The following ERF variants were observed in gnomAD, a reference collection of about 807,000 sequenced individuals.
The protein encoded by ERF is ETS2 repressor factor.
A neutral mutation model predicts 41.6 loss-of-function variants in ERF; 10 were observed. The observed-to-expected ratio is 0.24, with a 90% CI of 0.15 to 0.41. The LOEUF is 0.41. Among genes scored for constraint, ERF ranks in the 10% least tolerant of loss-of-function variants. The pLI, the probability that ERF is intolerant of heterozygous loss-of-function variation, is 1.00. For missense variants in ERF, 621 were observed against 763.2 expected (o/e 0.81, Z 2.19); for synonymous variants, 395 against 342.4 (o/e 1.15, Z -1.70).
rs1161542567 is a variant in ERF at position 42,253,811 on chromosome 19, G to C, written c.22+1167C>G. On this transcript the variant is annotated intron_variant, in intron 1 of 3. Coordinates refer to ENST00000222329, the MANE Select transcript of ERF (RefSeq NM_006494.4). ...GGGGTGGGAATGGGGTGGGGATGGG[G>C]TGGGGTGGGTGGGCCGGTCGGGGCA... 1.9e-5 allele frequency: 18 copies of C among 929,044 alleles called. 1 individual carries two copies. In the South Asian group the frequency reaches 6.6e-4, roughly 34 times the overall value. The allele number at this position is 929,044 out of a possible 1,614,324, so 57.6% of individuals were successfully genotyped here. A position where few individuals can be genotyped will look rare whatever the true frequency, so the allele number is the denominator to read the frequency against.
intron 1 of ERF, among the ~76,000 whole-genome samples, chr19:42,254,313 G>C (rs1402078907): frequency 2.0e-5 from 3 of 152,052 alleles, no homozygotes; most frequent in African/African-American, 7.2e-5. Context: ...AGGGTACCCA[G>C]GTCTCCCCGG....
rs777144215 is a variant in ERF, at chr19:42,248,672, G to A, written c.1440C>T (p.Leu480=). ...TCCAGCGCCGCTTAAAGCGTAGCTT[G>A]AGGGGCATGCACTGGGATGCCCCGG... The part of the protein sequence containing the change: ...EAPGASQCMP[L]KLRFKRRWSE... The change falls in exon 4 of 4, where the codon CTC becomes CTT. Residue 480 remains leucine, a synonymous_variant. Coordinates refer to ENST00000222329, the MANE Select transcript of ERF (RefSeq NM_006494.4). The surrounding 1 kb of genome is among the most constrained non-coding windows in gnomAD (Gnocchi z 4.2). 6 of 1,606,634 alleles carry A rather than the reference G, an allele frequency of 3.7e-6. No individual in the cohort carries two copies. Among genetic ancestry groups the A allele is most frequent in the South Asian group, 3.3e-5 (3 of 90,754 alleles).
Position 42,250,759 on chromosome 19 carries a change from G to T in ERF, c.23-194C>A, listed in dbSNP as rs542991772. Among the ~76,000 whole-genome samples, 76 of 152,364 alleles carry T rather than the reference G, an allele frequency of 5.0e-4. No individual in the cohort carries two copies. Among genetic ancestry groups the T allele is most frequent in the Non-Finnish European group, 1.2e-4 (8 of 68,036 alleles). ...ATGTGAGGGGCTAGACAGGAGCTGG[G>T]GGGGAGGGGAAGCTGGAGCCCGCTC... On this transcript the variant is annotated intron_variant, in intron 1 of 3. Transcript: ENST00000222329. This position sits in a 1 kb window ranked among gnomAD's most constrained non-coding sequence, Gnocchi z 5.1.
In ERF at chr19:42,248,552, C is replaced by T. The variant is rs1466711126; in HGVS notation, c.1560G>A (p.Glu520=). The change falls in exon 4 of 4, where the codon GAG becomes GAA. Residue 520 remains glutamate, a synonymous_variant. Coordinates refer to ENST00000222329, the MANE Select transcript of ERF (RefSeq NM_006494.4). The surrounding 1 kb of genome is among the most constrained non-coding windows in gnomAD (Gnocchi z 4.2). The part of the protein sequence containing the change: ...DKKVRGEGPG[E]AGGPLTPRRV... Reference sequence around the variant, plus strand: ...GCCTTGGGGTGAGGGGCCCCCCAGCCTCCCCAGGCCCCTCCCCACGCACCT... The same window carrying T: ...GCCTTGGGGTGAGGGGCCCCCCAGCTTCCCCAGGCCCCTCCCCACGCACCT... 6.4e-7 allele frequency: 1 copy of T among 1,554,392 alleles called. No individual in the cohort carries two copies. The highest frequency in any genetic ancestry group is 1.4e-5 in the African/African-American group (1 of 72,640).
Position 42,249,995 on chromosome 19 carries a change from A to G in ERF, c.258-53T>C, listed in dbSNP as rs1279442482. The stretch of plus-strand genomic sequence containing the variant: ...GGTCAGGTACGTGGGACCCAGGTCT[A>G]GACTCCACACCTTAACACGCACTTA... On this transcript the variant is annotated intron_variant, in intron 2 of 3. Coordinates refer to ENST00000222329, the MANE Select transcript of ERF (RefSeq NM_006494.4). The surrounding 1 kb of genome is among the most constrained non-coding windows in gnomAD (Gnocchi z 8.6). 2.0e-6 allele frequency: 3 copies of G among 1,509,084 alleles called. No individual in the cohort carries two copies. In the African/African-American group the frequency reaches 4.1e-5, roughly 21 times the overall value. The allele number at this position is 1,509,084 out of a possible 1,614,324, so 93.5% of individuals were successfully genotyped here.
At chr19:42,254,643 G>A (rs1004944035) in intron 1 of ERF, 12 of 205,930 alleles carry the variant, frequency 5.8e-5, no homozygotes, top group African/African-American at 2.8e-4. Context: ...CACACGTCCC[G>A]GCCCCCAGAG....
Position 42,248,862 on chromosome 19 carries a change from G to C in ERF, c.1250C>G (p.Ala417Gly), listed in dbSNP as rs777970610. The C allele has an allele frequency of 6.8e-6, 11 of 1,609,300 alleles. No homozygotes were observed. The highest frequency in any genetic ancestry group is 9.3e-6 in the Non-Finnish European group (11 of 1,178,794). ...GATCTGTGGTGGCGGGGGCGGTGGGGCTAGCGCCCCTGCCCCCTCAGCCAG... is the reference window on the plus strand; with the variant it reads ...GATCTGTGGTGGCGGGGGCGGTGGGCCTAGCGCCCCTGCCCCCTCAGCCAG... Reference protein sequence around the residue: ...GGLAEGAGALAPPPPPPQIKV... With the variant: ...GGLAEGAGALGPPPPPPQIKV... Residue 417 changes from alanine to glycine, a missense_variant, in exon 4 of 4, where the codon GCC becomes GGC. Transcript: ENST00000222329. This position sits in a 1 kb window ranked among gnomAD's most constrained non-coding sequence, Gnocchi z 4.2.
Position 42,249,494 on chromosome 19 carries a change from G to A in ERF, c.618C>T (p.Ala206=). The part of the protein sequence containing the change: ...LEEPLGEDPR[A]RPPGPPDLGA... ...CCAGATCCGGAGGGCCGGGTGGTCGGGCGCGGGGATCCTCTCCCAGCGGTT... is the reference window on the plus strand; with the variant it reads ...CCAGATCCGGAGGGCCGGGTGGTCGAGCGCGGGGATCCTCTCCCAGCGGTT... Residue 206 remains alanine (A), a synonymous_variant, in exon 4 of 4, where the codon GCC becomes GCT. Transcript: ENST00000222329. The surrounding 1 kb of genome is among the most constrained non-coding windows in gnomAD (Gnocchi z 8.6). 8 of 1,611,124 alleles carry A rather than the reference G, an allele frequency of 5.0e-6. No homozygotes were observed. The highest frequency in any genetic ancestry group is 2.2e-5 in the East Asian group (1 of 44,874).
Position 42,249,392 on chromosome 19 carries a change from A to G in ERF, c.720T>C (p.Gly240=). The G allele has an allele frequency of 6.4e-7, 1 of 1,573,082 alleles. No individual in the cohort carries two copies. Among genetic ancestry groups the G allele is most frequent in the South Asian group, 1.2e-5 (1 of 86,460 alleles). ...GVFRVYPRPR[G]GPEPLSPFPV... ...GGAAGGGGCTGAGGGGTTCAGGGCC[A>G]CCCCGAGGCCGGGGATAGACTCGGA... Residue 240 remains glycine (G), a synonymous_variant, in exon 4 of 4, where the codon GGT becomes GGC. Coordinates refer to ENST00000222329, the MANE Select transcript of ERF (RefSeq NM_006494.4). This position sits in a 1 kb window ranked among gnomAD's most constrained non-coding sequence, Gnocchi z 8.6.
Position 42,247,920 on chromosome 19 carries a change from G to C in ERF, c.*545C>G, listed in dbSNP as rs2036355256. ...CCACCCCCCAACACATGGAATTTTT[G>C]GTTCATTATAAAATTGTCCCTCCCT... On this transcript the variant is annotated 3_prime_UTR_variant, in exon 4 of 4. Coordinates refer to ENST00000222329, the MANE Select transcript of ERF (RefSeq NM_006494.4). The C allele has an allele frequency of 6.6e-6, 1 of 151,568 alleles. No individual in the cohort carries two copies. Among genetic ancestry groups the C allele is most frequent in the Non-Finnish European group, 1.5e-5 (1 of 67,810 alleles). The allele number at this position is 151,568 out of a possible 1,614,324, so 9.4% of individuals were successfully genotyped here.
intron 1 of ERF, chr19:42,253,886 C>CG: frequency 9.2e-7 from 1 of 1,082,744 alleles, no homozygotes; most frequent in African/African-American, 1.7e-5. Flanking sequence ...CCGCCGCCGC[C>CG]GGGGGAAGGA....
Position 42,247,747 on chromosome 19 carries a change from C to T in ERF, c.*718G>A. The stretch of plus-strand genomic sequence containing the variant: ...GGTTTCAGGGCACCCCCTTCCCATC[C>T]CCCCACCCGCCTGCCCATGGGCCAG... On this transcript the variant is annotated 3_prime_UTR_variant, in exon 4 of 4. Coordinates refer to ENST00000222329, the MANE Select transcript of ERF (RefSeq NM_006494.4). 6.6e-6 allele frequency: 1 copy of T among 152,316 alleles called. No homozygotes were observed. The highest frequency in any genetic ancestry group is 1.5e-5 in the Non-Finnish European group (1 of 68,002). 9.4% of individuals were successfully genotyped at this position (152,316 alleles called of 1,614,324 possible). A position where few individuals can be genotyped will look rare whatever the true frequency, so the allele number is the denominator to read the frequency against.
In ERF at chr19:42,248,313, G is replaced by T. The variant is rs2036365599; in HGVS notation, c.*152C>A. 202 of 383,706 alleles carry T rather than the reference G, an allele frequency of 5.3e-4. No individual in the cohort carries two copies. Among genetic ancestry groups the T allele is most frequent in the Non-Finnish European group, 6.5e-4 (169 of 260,088 alleles). 23.8% of individuals were successfully genotyped at this position (383,706 alleles called of 1,614,324 possible). A position where few individuals can be genotyped will look rare whatever the true frequency, so the allele number is the denominator to read the frequency against. ...CCACCCCCACCATTTTTAAAAAAAA[G>T]AAATTAAAGTTTTATACAAAATGTG... On this transcript the variant is annotated 3_prime_UTR_variant, in exon 4 of 4. Coordinates refer to ENST00000222329, the MANE Select transcript of ERF (RefSeq NM_006494.4). This position sits in a 1 kb window ranked among gnomAD's most constrained non-coding sequence, Gnocchi z 4.2.
Position 42,250,663 on chromosome 19 carries a change from G to A in ERF, c.23-98C>T. The stretch of plus-strand genomic sequence containing the variant: ...CCACCTCTGCCCTGCCTTCAACATG[G>A]GGAAATCTGTCTCACCTCAGCCAAG... On this transcript the variant is annotated intron_variant, in intron 1 of 3. Coordinates refer to ENST00000222329, the MANE Select transcript of ERF (RefSeq NM_006494.4). This position sits in a 1 kb window ranked among gnomAD's most constrained non-coding sequence, Gnocchi z 5.1. 1.7e-6 allele frequency: 2 copies of A among 1,180,698 alleles called. No homozygotes were observed. Among genetic ancestry groups the A allele is most frequent in the Non-Finnish European group, 2.4e-6 (2 of 835,962 alleles). The allele number at this position is 1,180,698 out of a possible 1,614,324, so 73.1% of individuals were successfully genotyped here.
At position 42,248,346 on chromosome 19, in the gene ERF, A is replaced by C; in HGVS notation, c.*119T>G. 1.1e-5 allele frequency: 8 copies of C among 748,960 alleles called. No individual in the cohort carries two copies. The highest frequency in any genetic ancestry group is 1.5e-5 in the Non-Finnish European group (8 of 551,282). 46.4% of individuals were successfully genotyped at this position (748,960 alleles called of 1,614,324 possible). A position where few individuals can be genotyped will look rare whatever the true frequency, so the allele number is the denominator to read the frequency against. ...AGTTTTATACAAAATGTGGGGAGGG[A>C]AAAGGGAGGAGGCAGGGAAGAGACA... On this transcript the variant is annotated 3_prime_UTR_variant, in exon 4 of 4. Transcript: ENST00000222329. This position sits in a 1 kb window ranked among gnomAD's most constrained non-coding sequence, Gnocchi z 4.2.
chr19:42,251,363 C>G, intron 1 of ERF: 1 of 985,374 alleles, frequency 1.0e-6, no homozygotes, highest in Non-Finnish European at 1.2e-6. Context: ...TCCCTGCCCA[C>G]CTGCCTGCCC....
chr19:42,249,344 A>G lies in ERF; in HGVS notation c.768T>C (p.Pro256=). 6.3e-7 allele frequency: 1 copy of G among 1,580,886 alleles called. No homozygotes were observed. Among genetic ancestry groups the G allele is most frequent in the Non-Finnish European group, 8.6e-7 (1 of 1,163,884 alleles). Residue 256 remains proline, a synonymous_variant, in exon 4 of 4, where the codon CCT becomes CCC. Coordinates refer to ENST00000222329, the MANE Select transcript of ERF (RefSeq NM_006494.4). The surrounding 1 kb of genome is among the most constrained non-coding windows in gnomAD (Gnocchi z 8.6). The part of the protein sequence containing the change: ...SPFPVSPLAG[P]GSLLPPQLSP... ...AGAGCTGAGGGGGCAGCAGGGATCC[A>G]GGACCGGCCAGAGGCGACACAGGGA...
Position 42,250,307 on chromosome 19 carries a change from C to A in ERF, c.257+24G>T. The A allele has an allele frequency of 6.2e-7, 1 of 1,610,080 alleles. No individual in the cohort carries two copies. The highest frequency in any genetic ancestry group is 1.1e-5 in the South Asian group (1 of 90,606). On this transcript the variant is annotated intron_variant, in intron 2 of 3. Coordinates refer to ENST00000222329, the MANE Select transcript of ERF (RefSeq NM_006494.4). The surrounding 1 kb of genome is among the most constrained non-coding windows in gnomAD (Gnocchi z 5.1). ...CCCGGGGGGGCACTCCACATGTGCT[C>A]AGGGGTCCCCAGCCCGTCCTCACCG...
At chr19:42,253,790 TG>T in intron 1 of ERF, 1 of 690,888 alleles carries the variant, frequency 1.4e-6, no homozygotes, top group Non-Finnish European at 1.7e-6. Context: ...GGGAATGGGG[TG>T]GGAATGGGGT....
Sources: allele counts gnomAD v4.1 joint callset (sites outside exome capture counted in the v4.1 genomes callset), GRCh38; gene constraint gnomAD v4.1.1; non-coding constraint Gnocchi (gnomAD v3.1); transcripts MANE v1.5; gene names NCBI Gene and HGNC (gene_info 2026-07-23, HGNC 2026-07-21).